The following ABR variants were observed in gnomAD, a reference collection of about 807,000 sequenced individuals.
ABR encodes ABR activator of RhoGEF and GTPase.
ABR carries 35 observed loss-of-function variants against 107.2 expected under a neutral mutation model. The ratio of observed to expected loss-of-function variants is 0.33; its 90% confidence interval spans 0.25 to 0.43. The LOEUF (loss-of-function observed/expected upper bound fraction) is 0.43. Ranked by LOEUF, ABR falls within the 20% of genes least tolerant of loss-of-function variation. The pLI, the probability that ABR is intolerant of heterozygous loss-of-function variation, is 1.00. For missense variants in ABR, 815 were observed against 1,115.2 expected (o/e 0.73, Z 3.83); for synonymous variants, 498 against 462.0 (o/e 1.08, Z -1.00).
intron 4 of ABR, among the ~76,000 whole-genome samples, chr17:1,089,840 A>G (rs2036900656): frequency 6.6e-6 from 1 of 152,154 alleles, no homozygotes; most frequent in South Asian, 2.1e-4. Flanking sequence ...GGCGCCTGTA[A>G]TCCCAGCTAC....
chr17:1,157,516 GC>G lies in ABR; in HGVS notation c.61+22150del, dbSNP rs371615693. Among the ~76,000 whole-genome samples, 1,382 of 152,280 alleles carry G rather than the reference GC, an allele frequency of 9.1e-3. 20 individuals are homozygous for G. The highest frequency in any genetic ancestry group is 0.032 in the African/African-American group (1,323 of 41,574). On this transcript the variant is annotated intron_variant, in intron 1 of 22. Coordinates refer to ENST00000302538, the MANE Select transcript of ABR (RefSeq NM_021962.5). The surrounding 1 kb of genome is among the most constrained non-coding windows in gnomAD (Gnocchi z 4.7). The stretch of plus-strand genomic sequence containing the variant: ...TCTGCCTGCCTCGGCCTCCCAAAGT[GC>G]TGGGATTACAGGCGTGAGCCACCGC...
chr17:1,072,960 T>A (rs2258885), intron 7 of ABR, among the ~76,000 whole-genome samples: 142,315 of 152,234 alleles, frequency 0.93, 66,641 homozygotes, highest in African/African-American at 0.98. Flanking sequence ...GCGGGGGATC[T>A]CTTGAGGTCA....
chr17:1,226,436 G>A (rs1301054350), intron 1 of ABR, among the ~76,000 whole-genome samples: 3 of 151,444 alleles, frequency 2.0e-5, no homozygotes, highest in African/African-American at 2.4e-5. Context: ...ATGTATATAC[G>A]TGTGCAGGTG....
At chr17:1,028,103 C>G (rs1037482941) in intron 16 of ABR, among the ~76,000 whole-genome samples, 2 of 151,988 alleles carry the variant, frequency 1.3e-5, no homozygotes, top group African/African-American at 2.4e-5. Flanking sequence ...TTCCTCCCCC[C>G]ACCCCAAGAC....
chr17:1,019,755 G>A (rs1177093875), intron 16 of ABR, among the ~76,000 whole-genome samples: 1 of 152,270 alleles, frequency 6.6e-6, no homozygotes, highest in Non-Finnish European at 1.5e-5. Context: ...TAGCACCGGG[G>A]TGGAGGGGCT....
At chr17:1,153,420 AGGCACACCTGCGGGAGGGCTGGGGG>A (rs2040886860) in intron 1 of ABR, among the ~76,000 whole-genome samples, 2 of 144,380 alleles carry the variant, frequency 1.4e-5, no homozygotes, top group African/African-American at 2.6e-5. Context: ...CTGGGGGTCC[AGGCACACCTGCGGGAGGGCTGGGGG>A]TCCAGGCACA....
intron 1 of ABR, among the ~76,000 whole-genome samples, chr17:1,144,800 G>T (rs1038399192): frequency 2.0e-5 from 3 of 152,066 alleles, no homozygotes; most frequent in Admixed American, 6.6e-5. Context: ...AGGCCGGGGC[G>T]GGCAGATCAC....
intron 1 of ABR, among the ~76,000 whole-genome samples, chr17:1,195,208 G>A (rs1239845563): frequency 6.8e-6 from 1 of 146,926 alleles, no homozygotes; most frequent in African/African-American, 2.5e-5. Context: ...TCGGGAGGCT[G>A]AGGCAGGAGA....
chr17:1,063,683 A>G (rs1462183240), intron 10 of ABR, among the ~76,000 whole-genome samples: 16 of 135,688 alleles, frequency 1.2e-4, no homozygotes, highest in Admixed American at 2.9e-4. Context: ...TCCTCTAGAC[A>G]CTGTTGTTAT....
chr17:1,050,457 TG>T lies in ABR; in HGVS notation c.1659+79del. ...GTGCAGACATAGCTGGTCCAACCAA[TG>T]GGCTGGCCGTCCCCAGCAGACAAGC... On this transcript the variant is annotated intron_variant, in intron 15 of 22. Coordinates refer to ENST00000302538, the MANE Select transcript of ABR (RefSeq NM_021962.5). This position sits in a 1 kb window ranked among gnomAD's most constrained non-coding sequence, Gnocchi z 4.6. The T allele has an allele frequency of 7.4e-7, 1 of 1,348,586 alleles. No homozygotes were observed. The highest frequency in any genetic ancestry group is 1.1e-6 in the Non-Finnish European group (1 of 940,054). The allele number at this position is 1,348,586 out of a possible 1,614,324, so 83.5% of individuals were successfully genotyped here.
intron 1 of ABR, among the ~76,000 whole-genome samples, chr17:1,127,699 G>A (rs905979138): frequency 2.0e-5 from 3 of 152,124 alleles, no homozygotes; most frequent in Admixed American, 6.5e-5. Context: ...GATTCCAGCC[G>A]GCCAAGCAGA....
At chr17:1,125,450 G>GC (rs2151452195) in intron 1 of ABR, 83 bp from the exon 2 acceptor site, 1 of 1,511,540 alleles carries the variant, frequency 6.6e-7, no homozygotes, top group East Asian at 2.3e-5. Flanking sequence ...GCCGGCGGCG[G>GC]CCCCCGGCAG....
In ABR at chr17:1,005,312, C is replaced by T. The variant is rs1297734903; in HGVS notation, c.*768G>A. The T allele has an allele frequency of 5.0e-6, 2 of 396,788 alleles. No individual in the cohort carries two copies. The highest frequency in any genetic ancestry group is 8.9e-6 in the Non-Finnish European group (2 of 225,480). 24.6% of individuals were successfully genotyped at this position (396,788 alleles called of 1,614,324 possible). On this transcript the variant is annotated 3_prime_UTR_variant, in exon 23 of 23. Transcript: ENST00000302538. ...AGACAGGAGGCCGAACAGGTAAACC[C>T]CAGAAGTGGAGATTCCCAAACGGAA... is the stretch of plus-strand genomic sequence containing the variant.
At chr17:1,137,385 A>C (rs2040115943) in intron 1 of ABR, among the ~76,000 whole-genome samples, 1 of 152,138 alleles carries the variant, frequency 6.6e-6, no homozygotes, top group East Asian at 1.9e-4. Flanking sequence ...TGACAGACGC[A>C]CACCTCGAGG....
intron 2 of ABR, among the ~76,000 whole-genome samples, chr17:1,111,312 C>G (rs1307536167): frequency 6.6e-6 from 1 of 152,192 alleles, no homozygotes; most frequent in Non-Finnish European, 1.5e-5. Context: ...CAGGGCCTCT[C>G]TACTCCACCC....
chr17:1,108,245 C>T (rs1276089953), intron 2 of ABR, among the ~76,000 whole-genome samples: 1 of 152,264 alleles, frequency 6.6e-6, no homozygotes, highest in Admixed American at 6.5e-5. Flanking sequence ...ACAGAGCCGG[C>T]GTGGTTCCGG....
intron 1 of ABR, among the ~76,000 whole-genome samples, chr17:1,160,270 A>C (rs981131867): frequency 7.2e-5 from 8 of 111,132 alleles, no homozygotes; most frequent in African/African-American, 2.9e-4. Flanking sequence ...AAAAAACAAT[A>C]ACAAAAAAAA....
intron 1 of ABR, among the ~76,000 whole-genome samples, chr17:1,151,776 T>C (rs918641540): frequency 2.0e-5 from 3 of 152,068 alleles, no homozygotes; most frequent in Non-Finnish European, 1.5e-5. Context: ...CATCACTGCC[T>C]CCTCCCCAAG....
At chr17:1,067,289 T>A in intron 9 of ABR, 47 bp from the exon 10 acceptor site, 3 of 1,511,006 alleles carry the variant, frequency 2.0e-6, no homozygotes, top group Non-Finnish European at 2.7e-6. Flanking sequence ...AGCCTGGCTC[T>A]TCCAGCCTCA....
Sources: allele counts gnomAD v4.1 joint callset (sites outside exome capture counted in the v4.1 genomes callset), GRCh38; gene constraint gnomAD v4.1.1; non-coding constraint Gnocchi (gnomAD v3.1); transcripts MANE v1.5; gene names NCBI Gene and HGNC (gene_info 2026-07-23, HGNC 2026-07-21).